KALRN: variants seen among roughly 807,000 people sequenced by gnomAD.
KALRN encodes the protein kalirin RhoGEF kinase, also known as kalirin.
KALRN carries 70 observed loss-of-function variants against 353.7 expected under a neutral mutation model. That is an observed-to-expected ratio of 0.20 (90% CI 0.16 to 0.24). KALRN has a LOEUF of 0.24. Among genes scored for constraint, KALRN ranks in the 10% least tolerant of loss-of-function variants. KALRN has a pLI of 1.00. For synonymous variants in KALRN, 1,391 were observed against 1,434.8 expected (o/e 0.97, Z 0.69); for missense variants, 2,791 against 3,756.7 (o/e 0.74, Z 6.72).
intron 6 of KALRN, among the ~76,000 whole-genome samples, chr3:124,317,558 T>C (rs2078923456): frequency 1.3e-5 from 2 of 152,180 alleles, no homozygotes; most frequent in South Asian, 4.2e-4. Context: ...CTGCAGAGAT[T>C]CTCAAACATT....
intron 13 of KALRN, among the ~76,000 whole-genome samples, chr3:124,401,074 G>A (rs2090800990): frequency 6.6e-6 from 1 of 152,126 alleles, no homozygotes; most frequent in African/African-American, 2.4e-5. Flanking sequence ...TACTAGCATC[G>A]ATTGTAGGCA....
intron 8 of KALRN, 64 bp downstream of exon 8, chr3:124,330,056 C>T (rs2080349678): frequency 1.3e-6 from 2 of 1,572,028 alleles, no homozygotes; most frequent in Non-Finnish European, 1.7e-6. Flanking sequence ...GTGATGAGGG[C>T]ACTGGCCTGT....
chr3:124,182,925 G>A (rs144677245), intron 1 of KALRN, among the ~76,000 whole-genome samples: 1 of 152,292 alleles, frequency 6.6e-6, no homozygotes, highest in Admixed American at 6.5e-5. Flanking sequence ...TAAAGTGTTG[G>A]GGAAGAGGAG....
chr3:124,123,543 T>A (rs1041561555), intron 1 of KALRN, among the ~76,000 whole-genome samples: 1 of 152,108 alleles, frequency 6.6e-6, no homozygotes, highest in Admixed American at 6.6e-5. Flanking sequence ...CTTTACAACA[T>A]AAAAATGCAA....
At chr3:124,476,874 G>C (rs1299354881) in intron 26 of KALRN, among the ~76,000 whole-genome samples, 1 of 152,180 alleles carries the variant, frequency 6.6e-6, no homozygotes, top group East Asian at 1.9e-4. Context: ...CAGAGCAAAT[G>C]CTGTCCTTTT....
intron 23 of KALRN, 98 bp from the exon 24 acceptor site, chr3:124,461,792 T>C: frequency 2.4e-6 from 2 of 837,690 alleles, no homozygotes; most frequent in Non-Finnish European, 2.0e-6. Flanking sequence ...AAATAAGACA[T>C]TTAAGAATGT....
intron 10 of KALRN, among the ~76,000 whole-genome samples, chr3:124,353,486 T>C (rs534675158): frequency 6.6e-6 from 1 of 152,256 alleles, no homozygotes; most frequent in South Asian, 2.1e-4. Context: ...TCTAACCCTC[T>C]AAGAAATTCT....
At chr3:124,157,664 G>T (rs765986304) in intron 1 of KALRN, among the ~76,000 whole-genome samples, 1 of 152,174 alleles carries the variant, frequency 6.6e-6, no homozygotes, top group Admixed American at 6.5e-5. Context: ...GGGGGTAGAA[G>T]TTATGTCTTT....
At chr3:124,637,622 G>T (rs906472710) in intron 37 of KALRN, among the ~76,000 whole-genome samples, 1 of 152,216 alleles carries the variant, frequency 6.6e-6, no homozygotes, top group African/African-American at 2.4e-5. Flanking sequence ...TATGTATTTG[G>T]TTAGCCCAGA....
At chr3:124,247,786 ACTAT>A (rs1434150059) in intron 3 of KALRN, among the ~76,000 whole-genome samples, 1 of 152,034 alleles carries the variant, frequency 6.6e-6, no homozygotes, top group Non-Finnish European at 1.5e-5. Flanking sequence ...GAAAAACAAA[ACTAT>A]CTAGGGTTTC....
At chr3:124,112,931 T>C (rs1051716988) in intron 1 of KALRN, among the ~76,000 whole-genome samples, 8 of 152,144 alleles carry the variant, frequency 5.3e-5, no homozygotes, top group Non-Finnish European at 1.2e-4. Flanking sequence ...ACTGCATGTC[T>C]CCTTTGATTA....
At chr3:124,454,360 T>G (rs913038507) in intron 21 of KALRN, among the ~76,000 whole-genome samples, 1 of 152,210 alleles carries the variant, frequency 6.6e-6, no homozygotes, top group Non-Finnish European at 1.5e-5. Context: ...GCCTCAGATT[T>G]TTTTCATCTG....
At chr3:124,363,189 C>T (rs2084255627) in intron 10 of KALRN, among the ~76,000 whole-genome samples, 1 of 152,150 alleles carries the variant, frequency 6.6e-6, no homozygotes, top group African/African-American at 2.4e-5. Context: ...TGCCAGATGA[C>T]CTGGACTAAG....
At chr3:124,617,302 C>T (rs139469583) in intron 34 of KALRN, among the ~76,000 whole-genome samples, 3 of 152,252 alleles carry the variant, frequency 2.0e-5, no homozygotes, top group African/African-American at 7.2e-5. Flanking sequence ...CCACTGCACT[C>T]CAGCCTGGGT....
Position 124,181,853 on chromosome 3 carries a change from G to A in KALRN, c.74-46137G>A, listed in dbSNP as rs556555046. ...GGGAAGGAGGAAACAGAAAAGAGAAGCCAAGTCAAGTGGTAGAGTGAGTAT... is the reference window on the plus strand; with the variant it reads ...GGGAAGGAGGAAACAGAAAAGAGAAACCAAGTCAAGTGGTAGAGTGAGTAT... On this transcript the variant is annotated intron_variant, in intron 1 of 59. Coordinates refer to ENST00000682506, the MANE Select transcript of KALRN (RefSeq NM_001388419.1). Among the ~76,000 whole-genome samples the A allele has an allele frequency of 3.3e-5, 5 of 152,314 alleles. No homozygotes were observed. In the East Asian group the frequency reaches 9.6e-4, roughly 29 times the overall value.
intron 33 of KALRN, among the ~76,000 whole-genome samples, chr3:124,550,764 C>G (rs943127696): frequency 2.6e-5 from 4 of 152,098 alleles, no homozygotes; most frequent in Non-Finnish European, 4.4e-5. Flanking sequence ...CCGAGGTGGG[C>G]AGATCATGAG....
chr3:124,678,086 G>T, intron 49 of KALRN, 104 bp from the exon 50 acceptor site: 1 of 1,287,566 alleles, frequency 7.8e-7, no homozygotes, highest in Non-Finnish European at 1.1e-6. Context: ...GCCCGGGCTT[G>T]ATGGAGCACC....
At position 124,700,024 on chromosome 3, in the gene KALRN, C is replaced by A; in HGVS notation, c.7987C>A (p.Pro2663Thr). 1 of 1,614,032 alleles carries A rather than the reference C, an allele frequency of 6.2e-7. No homozygotes were observed. The highest frequency in any genetic ancestry group is 8.5e-7 in the Non-Finnish European group (1 of 1,179,986). ...CGAGCCCTCGGAGTTTGTGCGACTT[C>A]CAGAATATGGTGAGTCCCAGCCCAG... The part of the protein sequence containing the change: ...PSEPSEFVRL[P>T]EYDAAADGAT... Residue 2663 changes from proline to threonine, a missense_variant, in exon 56 of 60, where the codon CCA becomes ACA. Around this residue, in one of 11 missense-constraint regions of KALRN, gnomAD observed 188 missense variants for 402.9 expected, o/e 0.47. Transcript: ENST00000682506.
rs77584265 is a variant in KALRN, at chr3:124,273,115, G to A, written c.969+3860G>A. Among the ~76,000 whole-genome samples, 213 of 152,290 alleles carry A rather than the reference G, an allele frequency of 1.4e-3. 3 individuals are homozygous for A. The East Asian group carries it at 0.038, about 27-fold the overall frequency. On this transcript the variant is annotated intron_variant, in intron 5 of 59. Coordinates refer to ENST00000682506, the MANE Select transcript of KALRN (RefSeq NM_001388419.1). ...TGCAGGGTGACAGCTTGTTCCCAAG[G>A]GCTTGAAAATGGGTTGGTGTTCCCC...
Sources: gnomAD v4.1 joint callset for allele counts (sites outside exome capture counted in the v4.1 genomes callset) on GRCh38, gnomAD v4.1.1 for gene constraint, gnomAD v4.1.1 regional missense constraint, MANE v1.5 for transcripts, NCBI Gene and HGNC (gene_info 2026-07-23, HGNC 2026-07-21) for gene names.